The following HSPBAP1 variants were observed in gnomAD, a reference collection of about 807,000 sequenced individuals.
HSPBAP1 encodes the protein HSPB1-associated protein 1.
In HSPBAP1, 27 loss-of-function variants were observed where a neutral mutation model predicts 45.2. The ratio of observed to expected loss-of-function variants is 0.60; its 90% confidence interval spans 0.44 to 0.82. HSPBAP1 has a LOEUF of 0.82. Ranked by LOEUF, HSPBAP1 falls within the 40% of genes least tolerant of loss-of-function variation. The probability of loss-of-function intolerance (pLI) is 0.00; values close to 1 mark genes in which losing one functional copy is unlikely to be tolerated. For missense variants in HSPBAP1, 510 were observed against 590.9 expected (o/e 0.86, Z 1.42); for synonymous variants, 204 against 202.7 (o/e 1.01, Z -0.06).
chr3:122,745,817 G>T (rs921351735), intron 6 of HSPBAP1, among the ~76,000 whole-genome samples: 1 of 152,184 alleles, frequency 6.6e-6, no homozygotes, highest in Non-Finnish European at 1.5e-5. Flanking sequence ...GCATGCTGAG[G>T]TTACTAAGGT....
intron 3 of HSPBAP1, among the ~76,000 whole-genome samples, chr3:122,761,267 C>G (rs1228192467): frequency 3.3e-5 from 5 of 152,136 alleles, no homozygotes; most frequent in Admixed American, 2.0e-4. Flanking sequence ...TAATGAATAC[C>G]AAAGCCCCTT....
intron 1 of HSPBAP1, among the ~76,000 whole-genome samples, chr3:122,779,035 T>A (rs916235964): frequency 7.1e-5 from 10 of 140,450 alleles, no homozygotes; most frequent in Non-Finnish European, 1.4e-4. Context: ...ATTTTCTTTC[T>A]TTTTCTTTTT....
intron 1 of HSPBAP1, 144 bp from the exon 2 acceptor site, chr3:122,778,050 T>C (rs1364748429): frequency 1.7e-5 from 11 of 629,898 alleles, no homozygotes; most frequent in South Asian, 4.1e-5. Flanking sequence ...TACTGCTGTT[T>C]ATATACACAT....
At chr3:122,786,698 AT>A (rs1935667604) in intron 1 of HSPBAP1, among the ~76,000 whole-genome samples, 1 of 152,234 alleles carries the variant, frequency 6.6e-6, no homozygotes, top group African/African-American at 2.4e-5. Context: ...AGTGACTGGT[AT>A]ATATTAAATG....
intron 3 of HSPBAP1, among the ~76,000 whole-genome samples, chr3:122,761,273 C>A (rs1368662749): frequency 1.3e-5 from 2 of 152,156 alleles, no homozygotes; most frequent in African/African-American, 4.8e-5. Flanking sequence ...ATACCAAAGC[C>A]CCTTCTCCTC....
At chr3:122,765,379 G>A (rs533109069) in intron 3 of HSPBAP1, among the ~76,000 whole-genome samples, 4 of 152,140 alleles carry the variant, frequency 2.6e-5, no homozygotes, top group East Asian at 1.9e-4. Context: ...TCAGGAGTTC[G>A]AGGCCAGCCT....
intron 4 of HSPBAP1, chr3:122,758,946 G>C: frequency 2.5e-6 from 1 of 402,266 alleles, no homozygotes; most frequent in Non-Finnish European, 4.7e-6. Flanking sequence ...TAGCTGACCT[G>C]GGAGTGGAAT....
intron 4 of HSPBAP1, among the ~76,000 whole-genome samples, chr3:122,756,662 C>T (rs1047369277): frequency 3.3e-5 from 5 of 150,188 alleles, no homozygotes; most frequent in African/African-American, 1.2e-4. Flanking sequence ...TGTGCCACTG[C>T]ACTCCAGCCT....
chr3:122,783,245 G>C (rs957217426), intron 1 of HSPBAP1, among the ~76,000 whole-genome samples: 7 of 152,166 alleles, frequency 4.6e-5, no homozygotes, highest in African/African-American at 1.7e-4. Context: ...GATGGTTGCT[G>C]CTTGTCGTGT....
intron 1 of HSPBAP1, among the ~76,000 whole-genome samples, chr3:122,779,536 TCTTGGGTGTTTCTCGC>T (rs1935333244): frequency 9.3e-6 from 1 of 107,464 alleles, no homozygotes; most frequent in African/African-American, 3.0e-5. Context: ...TATTGATCAT[TCTTGGGTGTTTCTCGC>T]AGAGGGGGAT....
At chr3:122,773,760 C>T (rs1935092941) in intron 2 of HSPBAP1, among the ~76,000 whole-genome samples, 1 of 152,134 alleles carries the variant, frequency 6.6e-6, no homozygotes, top group African/African-American at 2.4e-5. Context: ...TCTCAACCTC[C>T]TGGGTAGCTG....
At chr3:122,789,401 T>G (rs934642327) in intron 1 of HSPBAP1, among the ~76,000 whole-genome samples, 3 of 152,352 alleles carry the variant, frequency 2.0e-5, no homozygotes, top group Admixed American at 2.0e-4. Context: ...ATAACTGCAA[T>G]TTTTAATTTC....
At chr3:122,760,863 G>A (rs1295246410) in intron 3 of HSPBAP1, among the ~76,000 whole-genome samples, 1 of 152,160 alleles carries the variant, frequency 6.6e-6, no homozygotes, top group Non-Finnish European at 1.5e-5. Flanking sequence ...TCAGGCCAAT[G>A]ACATTTTTGA....
chr3:122,747,466 GC>G (rs1351012609), intron 6 of HSPBAP1, among the ~76,000 whole-genome samples: 1 of 151,510 alleles, frequency 6.6e-6, no homozygotes, highest in Non-Finnish European at 1.5e-5. Context: ...CCGGCCAGCC[GC>G]CCTGTCTGGG....
In HSPBAP1 at chr3:122,752,594, T is replaced by C; in HGVS notation, c.822A>G (p.Glu274=). The stretch of plus-strand genomic sequence containing the variant: ...AAAAAAAACAACGAAAAAGTACCAG[T>C]TCAATCCATGAGTTTATACTGACAG... The part of the protein sequence containing the change: ...PVTVSINSWI[E]LEEDHLARVE... Residue 274 remains glutamate (E), a synonymous_variant, in exon 6 of 8, where the codon GAA becomes GAG. Transcript: ENST00000306103. The C allele has an allele frequency of 6.4e-7, 1 of 1,560,806 alleles. No individual in the cohort carries two copies. Among genetic ancestry groups the C allele is most frequent in the Admixed American group, 2.0e-5 (1 of 49,134 alleles).
intron 6 of HSPBAP1, among the ~76,000 whole-genome samples, chr3:122,745,446 G>T (rs1297151696): frequency 6.6e-6 from 1 of 152,152 alleles, no homozygotes; most frequent in Admixed American, 6.5e-5. Context: ...GCTTTCCACA[G>T]TTTCAGTTAC....
intron 5 of HSPBAP1, chr3:122,753,985 G>T: frequency 1.3e-6 from 1 of 751,228 alleles, no homozygotes; most frequent in Non-Finnish European, 1.6e-6. Context: ...AGCAAAACAA[G>T]TGTTGGGAAA....
At chr3:122,752,801 G>T in intron 5 of HSPBAP1, 127 bp from the exon 6 acceptor site, 1 of 1,379,654 alleles carries the variant, frequency 7.2e-7, no homozygotes, top group Non-Finnish European at 9.4e-7. Context: ...TATTGCTGGA[G>T]AAAAGTAAAG....
chr3:122,770,169 T>C (rs1934938803), intron 2 of HSPBAP1, among the ~76,000 whole-genome samples: 1 of 152,240 alleles, frequency 6.6e-6, no homozygotes, highest in East Asian at 1.9e-4. Context: ...TACCTTCTTT[T>C]TCCTAAGCCA....
Sources: allele counts gnomAD v4.1 joint callset (sites outside exome capture counted in the v4.1 genomes callset), GRCh38; gene constraint gnomAD v4.1.1; transcripts MANE v1.5; gene names NCBI Gene and HGNC (gene_info 2026-07-23, HGNC 2026-07-21).